Variants in TSPOAP1 observed in about 807,000 individuals in gnomAD.
TSPOAP1 encodes the protein peripheral-type benzodiazepine receptor-associated protein 1.
A neutral mutation model predicts 197.0 loss-of-function variants in TSPOAP1; 87 were observed. The observed-to-expected ratio is 0.44, with a 90% confidence interval of 0.37 to 0.53. The LOEUF (loss-of-function observed/expected upper bound fraction) is 0.53. Ranked by LOEUF, TSPOAP1 falls within the 20% of genes least tolerant of loss-of-function variation. The pLI, the probability that TSPOAP1 is intolerant of heterozygous loss-of-function variation, is 0.00. For synonymous variants in TSPOAP1, 913 were observed against 998.9 expected, an observed-to-expected ratio of 0.91 and a Z score of 1.62; for missense variants, 2,174 against 2,411.3, an observed-to-expected ratio of 0.90 and a Z score of 2.06.
Position 58,326,744 on chromosome 17 carries a change from A to C in TSPOAP1, c.380T>G (p.Leu127Arg), listed in dbSNP as rs1267306648. Residue 127 changes from leucine to arginine, a missense_variant, in exon 2 of 32, where the codon CTG becomes CGG. Leu to Arg is a moderately radical substitution (Grantham distance 102). This residue lies in a region of TSPOAP1 where 1,933 missense variants were observed against 2,139.0 expected (regional missense o/e 0.90). Coordinates refer to ENST00000343736, the MANE Select transcript of TSPOAP1 (RefSeq NM_004758.4). This position sits in a 1 kb window ranked among gnomAD's most constrained non-coding sequence, Gnocchi z 4.7. Reference sequence around the variant, plus strand: ...CTGCCGCAGCTCCCCCAGGGCCCTCAGCAGCTCCAGATTGGGCCTGTCCCC... The same window carrying C: ...CTGCCGCAGCTCCCCCAGGGCCCTCCGCAGCTCCAGATTGGGCCTGTCCCC... ...SFGDRPNLEL[L>R]RALGELRQRC... is the part of the protein sequence containing the mutation. 1 of 1,614,104 alleles carries C rather than the reference A, an allele frequency of 6.2e-7. No individual in the cohort carries two copies. Among genetic ancestry groups the C allele is most frequent in the Admixed American group, 1.7e-5 (1 of 60,020 alleles).
Position 58,318,317 on chromosome 17 carries a change from G to C in TSPOAP1, c.1835C>G (p.Ser612Cys), listed in dbSNP as rs1370561086. ...ESLSNSSHSE[S>C]IHNSPKSCPT... ...GCATGACTTGGGGCTGTTGTGGATGGACTCGGAGTGGGAGGAGTTGGAGAG... is the reference window on the plus strand; with the variant it reads ...GCATGACTTGGGGCTGTTGTGGATGCACTCGGAGTGGGAGGAGTTGGAGAG... Residue 612 changes from serine (S) to cysteine (C), a missense_variant, in exon 14 of 32, where the codon TCC (serine) becomes TGC (cysteine). This residue lies in a region of TSPOAP1 where 1,933 missense variants were observed against 2,139.0 expected (regional missense o/e 0.90). Coordinates refer to ENST00000343736, the MANE Select transcript of TSPOAP1 (RefSeq NM_004758.4). 2 of 1,614,210 alleles carry C rather than the reference G, an allele frequency of 1.2e-6. No homozygotes were observed. The highest frequency in any genetic ancestry group is 3.3e-5 in the Admixed American group (2 of 60,022).
chr17:58,310,303 G>T, intron 20 of TSPOAP1, 145 bp from the exon 21 acceptor site: 1 of 1,118,082 alleles, frequency 8.9e-7, no homozygotes, highest in Non-Finnish European at 1.2e-6. Flanking sequence ...GGCACACCAT[G>T]GCTCAGGGGC....
Position 58,304,981 on chromosome 17 carries a change from C to T in TSPOAP1, c.5544+80G>A. 2 of 1,097,530 alleles carry T rather than the reference C, an allele frequency of 1.8e-6. No homozygotes were observed. Among genetic ancestry groups the T allele is most frequent in the Non-Finnish European group, 1.4e-6 (1 of 709,876 alleles). The allele number at this position is 1,097,530 out of a possible 1,614,324, so 68.0% of individuals were successfully genotyped here. On this transcript the variant is annotated intron_variant, in intron 30 of 31. Transcript: ENST00000343736. This position sits in a 1 kb window ranked among gnomAD's most constrained non-coding sequence, Gnocchi z 4.2. ...CATGACCACCCCAGCTGCACCCCTG[C>T]CGCAACACTGCCCTGGCCCTACCAC...
At chr17:58,305,978 G>T in intron 26 of TSPOAP1, 113 bp from the exon 27 acceptor site, 2 of 1,236,814 alleles carry the variant, frequency 1.6e-6, no homozygotes, top group Non-Finnish European at 2.3e-6. Context: ...AAGGAAGGCT[G>T]CCGAGGGCGC....
At position 58,323,518 on chromosome 17, in the gene TSPOAP1, G is replaced by A; in HGVS notation, c.970C>T (p.Leu324=). ...TCTGGCTCCCCTAGAATCACGGGTA[G>A]GTTGTCCGCATCCTCCTGGGGCGTG... ...EATPQEDADN[L]PVILGEPEKE... is the part of the protein sequence containing the mutation. The change falls in exon 6 of 32, where the codon CTA becomes TTA. Residue 324 remains leucine (L), a synonymous_variant. Transcript: ENST00000343736. 1 of 1,614,166 alleles carries A rather than the reference G, an allele frequency of 6.2e-7. No homozygotes were observed. Among genetic ancestry groups the A allele is most frequent in the Non-Finnish European group, 8.5e-7 (1 of 1,179,988 alleles).
At chr17:58,311,764 C>T (rs762665205) in intron 17 of TSPOAP1, 42 bp from the exon 18 acceptor site, 32 of 1,523,214 alleles carry the variant, frequency 2.1e-5, no homozygotes, top group Middle Eastern at 4.3e-4. Flanking sequence ...GCAGGACGCT[C>T]CCCATCAGAG....
intron 16 of TSPOAP1, among the ~76,000 whole-genome samples, chr17:58,313,819 G>A (rs1453536474): frequency 6.6e-6 from 1 of 152,160 alleles, no homozygotes; most frequent in Non-Finnish European, 1.5e-5. Context: ...AGGATCAGGA[G>A]CCCCAGCAGG....
intron 14 of TSPOAP1, among the ~76,000 whole-genome samples, chr17:58,316,798 C>T (rs1971252933): frequency 6.6e-6 from 1 of 152,234 alleles, no homozygotes; most frequent in Admixed American, 6.5e-5. Flanking sequence ...CTCTACTGCA[C>T]CCGCCAGGAA....
chr17:58,312,504 C>T lies in TSPOAP1; in HGVS notation c.2317G>A (p.Gly773Arg). ...GATGGGCTCAGACTGAGCTCGTCCC[C>T]TGCATCCTCCTCCTCAGGTCTGGGC... The part of the protein sequence containing the change: ...SQPRPEEEDA[G>R]DELSLSPSPE... The change falls in exon 17 of 32, where the codon GGG (glycine) becomes AGG (arginine). Residue 773 changes from glycine (G) to arginine (R), a missense_variant. Coordinates refer to ENST00000343736, the MANE Select transcript of TSPOAP1 (RefSeq NM_004758.4). 6.2e-7 allele frequency: 1 copy of T among 1,601,038 alleles called. No homozygotes were observed. Among genetic ancestry groups the T allele is most frequent in the Non-Finnish European group, 8.5e-7 (1 of 1,173,670 alleles).
In TSPOAP1 at chr17:58,305,553, T is replaced by C. The variant is rs1173202968; in HGVS notation, c.5348A>G (p.Asn1783Ser). 6.9e-6 allele frequency: 11 copies of C among 1,602,460 alleles called. No individual in the cohort carries two copies. Among genetic ancestry groups the C allele is most frequent in the Middle Eastern group, 1.7e-4 (1 of 6,010 alleles). ...FDYNPQESSPNMDVEAELPFR... is the reference protein window; with the variant it reads ...FDYNPQESSPSMDVEAELPFR... ...GAGGGTCCTCACCTCCACGTCCATA[T>C]TGGGGGAACTCTCCTGGGGGTTGTA... Residue 1783 changes from asparagine (N) to serine (S), a missense_variant, in exon 28 of 32, where the codon AAT becomes AGT. Around this residue, in one of 5 missense-constraint regions of TSPOAP1, gnomAD observed 161 missense variants for 159.1 expected, o/e 1.01. Coordinates refer to ENST00000343736, the MANE Select transcript of TSPOAP1 (RefSeq NM_004758.4).
chr17:58,310,906 G>A lies in TSPOAP1; in HGVS notation c.3389C>T (p.Ala1130Val), dbSNP rs1480679977. 1 of 1,546,540 alleles carries A rather than the reference G, an allele frequency of 6.5e-7. No individual in the cohort carries two copies. The highest frequency in any genetic ancestry group is 8.7e-7 in the Non-Finnish European group (1 of 1,151,716). Reference protein sequence around the residue: ...APLGTQEPPGAPPASPSREMA... With the variant: ...APLGTQEPPGVPPASPSREMA... ...CTCTCTGGAAGGGCTTGCAGGGGGT[G>A]CTCCTGGAGGCTCTTGAGTTCCAAG... Residue 1130 changes from alanine (A) to valine (V), a missense_variant, in exon 19 of 32, where the codon GCA (alanine) becomes GTA (valine). Transcript: ENST00000343736.
Position 58,322,147 on chromosome 17 carries a change from C to T in TSPOAP1, c.1422+161G>A. The T allele has an allele frequency of 1.5e-6, 1 of 659,696 alleles. No individual in the cohort carries two copies. Among genetic ancestry groups the T allele is most frequent in the Non-Finnish European group, 2.6e-6 (1 of 385,064 alleles). The allele number at this position is 659,696 out of a possible 1,614,324, so 40.9% of individuals were successfully genotyped here. On this transcript the variant is annotated intron_variant, in intron 10 of 31. Transcript: ENST00000343736. This position sits in a 1 kb window ranked among gnomAD's most constrained non-coding sequence, Gnocchi z 5.0. ...CATCAGTGTCTGAAATCAGCTCACTCCTGGATGCTAATTTGCTGACTGCTC... is the reference window on the plus strand; with the variant it reads ...CATCAGTGTCTGAAATCAGCTCACTTCTGGATGCTAATTTGCTGACTGCTC...
At chr17:58,316,852 G>A (rs1690222469) in intron 14 of TSPOAP1, among the ~76,000 whole-genome samples, 1 of 152,240 alleles carries the variant, frequency 6.6e-6, no homozygotes, top group Non-Finnish European at 1.5e-5. Flanking sequence ...GGCCATGCTG[G>A]TGTGGGGAGT....
At chr17:58,311,813 A>G in intron 17 of TSPOAP1, 79 bp downstream of exon 17, 1 of 1,488,136 alleles carries the variant, frequency 6.7e-7, no homozygotes, top group Non-Finnish European at 8.9e-7. Context: ...TAACGCAAAT[A>G]AGATCAGGGT....
chr17:58,310,462 A>G (rs1263535118), intron 20 of TSPOAP1, 50 bp downstream of exon 20: 1 of 1,597,638 alleles, frequency 6.3e-7, no homozygotes, highest in African/African-American at 1.3e-5. Flanking sequence ...AAAGGTAGGG[A>G]GACAGGCCTC....
rs932515125 is a variant in TSPOAP1 at position 58,311,969 on chromosome 17, G to T, written c.2852C>A (p.Pro951His). The T allele has an allele frequency of 4.4e-6, 7 of 1,607,764 alleles. No individual in the cohort carries two copies. Among genetic ancestry groups the T allele is most frequent in the Non-Finnish European group, 5.9e-6 (7 of 1,176,576 alleles). Residue 951 changes from proline to histidine, a missense_variant, in exon 17 of 32, where the codon CCC becomes CAC. Pro to His is a moderately conservative substitution (Grantham distance 77, BLOSUM62 -2). This residue lies in a region of TSPOAP1 where 1,933 missense variants were observed against 2,139.0 expected (regional missense o/e 0.90). Transcript: ENST00000343736. ...YQAQVEAQLP[P>H]QGPWEPGWER... ...CCAGCCTGGTTCCCAGGGCCCTTGG[G>T]GTGGGAGCTGAGCCTCCACTTGGGC...
At position 58,322,653 on chromosome 17, in the gene TSPOAP1, C is replaced by G. The variant is rs1245879092; in HGVS notation, c.1317+1G>C. ...CTCTCCCACCTGCACCATCTCCTCA[C>G]CTTCAGCACTTGCTCCAGGCTCTCC... On this transcript the variant is annotated splice_donor_variant, in intron 9 of 31. Coordinates refer to ENST00000343736, the MANE Select transcript of TSPOAP1 (RefSeq NM_004758.4). LOFTEE classifies it high-confidence loss of function. This position sits in a 1 kb window ranked among gnomAD's most constrained non-coding sequence, Gnocchi z 5.0. The G allele has an allele frequency of 3.1e-6, 5 of 1,609,524 alleles. No homozygotes were observed. The highest frequency in any genetic ancestry group is 4.2e-6 in the Non-Finnish European group (5 of 1,179,948).
chr17:58,303,602 A>G (rs140160514), intron 31 of TSPOAP1: 1 of 152,318 alleles, frequency 6.6e-6, no homozygotes, highest in Non-Finnish European at 1.5e-5. Context: ...GCCCCAGAGA[A>G]TAATGGTTTG....
Position 58,328,762 on chromosome 17 carries a change from T to C in TSPOAP1, c.-842A>G, listed in dbSNP as rs1379318107. ...CCCTTACAGTCCAGGAGCCTCGAGA[T>C]GGTGGGCTCCGAGGAGGGCTGAGCC... On this transcript the variant is annotated 5_prime_UTR_variant, in exon 1 of 32. Transcript: ENST00000343736. The surrounding 1 kb of genome is among the most constrained non-coding windows in gnomAD (Gnocchi z 4.3). 6.6e-6 allele frequency: 1 copy of C among 152,072 alleles called. No homozygotes were observed. Among genetic ancestry groups the C allele is most frequent in the Non-Finnish European group, 1.5e-5 (1 of 68,044 alleles). 9.4% of individuals were successfully genotyped at this position (152,072 alleles called of 1,614,324 possible). A position where few individuals can be genotyped will look rare whatever the true frequency, so the allele number is the denominator to read the frequency against.
Sources: gnomAD v4.1 joint callset for allele counts (sites outside exome capture counted in the v4.1 genomes callset) on GRCh38, gnomAD v4.1.1 for gene constraint, gnomAD v4.1.1 regional missense constraint, Gnocchi (gnomAD v3.1) non-coding constraint, MANE v1.5 for transcripts, NCBI Gene and HGNC (gene_info 2026-07-23, HGNC 2026-07-21) for gene names.